ESRRB: variants seen among roughly 807,000 people sequenced by gnomAD.
ESRRB encodes the protein estrogen related receptor beta.
In ESRRB, 16 loss-of-function variants were observed where a neutral mutation model predicts 46.0. The observed-to-expected ratio is 0.35, with a 90% confidence interval of 0.24 to 0.53. The LOEUF is 0.53. Ranked by LOEUF, ESRRB falls within the 20% of genes least tolerant of loss-of-function variation. ESRRB has a pLI of 0.93. For synonymous variants in ESRRB, 246 were observed against 259.6 expected (o/e 0.95, Z 0.50); for missense variants, 488 against 607.4 (o/e 0.80, Z 2.07).
In ESRRB at chr14:76,439,549, G is replaced by A; in HGVS notation, c.259G>A (p.Gly87Arg). 3 of 1,613,928 alleles carry A rather than the reference G, an allele frequency of 1.9e-6. No individual in the cohort carries two copies. The highest frequency in any genetic ancestry group is 1.3e-5 in the African/African-American group (1 of 75,072). Residue 87 changes from glycine (G) to arginine (R), a missense_variant, in exon 2 of 7, where the codon GGG (glycine) becomes AGG (arginine). Transcript: ENST00000644823. ...CTCGCCACCCATGTTTGCAGGCGCC[G>A]GGCTGGGAGGCACCCCATGCCGCAA... ...LDSPPMFAGA[G>R]LGGTPCRKSY...
chr14:76,430,103 G>A (rs556506271), intron 1 of ESRRB, among the ~76,000 whole-genome samples: 3 of 151,874 alleles, frequency 2.0e-5, no homozygotes, highest in Admixed American at 6.6e-5. Flanking sequence ...ACAGTAATTC[G>A]CATCTAGCCA....
At chr14:76,362,756 T>C (rs1295152396) in intron 1 of ESRRB, among the ~76,000 whole-genome samples, 1 of 152,202 alleles carries the variant, frequency 6.6e-6, no homozygotes, top group Non-Finnish European at 1.5e-5. Flanking sequence ...AGATGTTTCC[T>C]GGGCTTCCTG....
intron 1 of ESRRB, among the ~76,000 whole-genome samples, chr14:76,313,270 C>T (rs1289888248): frequency 1.3e-5 from 2 of 151,736 alleles, no homozygotes; most frequent in Non-Finnish European, 2.9e-5. Context: ...TTAGTTTCTG[C>T]TTCAATAACT....
At chr14:76,386,454 ATT>A (rs10573960) in intron 1 of ESRRB, among the ~76,000 whole-genome samples, 31,069 of 112,416 alleles carry the variant, frequency 0.28, 2,863 homozygotes, top group African/African-American at 0.34. Flanking sequence ...CGGTTTTTTA[ATT>A]TTTTTTTTTT....
chr14:76,494,652 A>T (rs1890355919), intron 6 of ESRRB, among the ~76,000 whole-genome samples: 1 of 152,168 alleles, frequency 6.6e-6, no homozygotes, highest in African/African-American at 2.4e-5. Flanking sequence ...GCATAATGAC[A>T]TGTTTCTACA....
At chr14:76,369,661 C>T (rs1468746296), upstream of ESRRB, among the ~76,000 whole-genome samples, 2 of 152,166 alleles carry the variant, frequency 1.3e-5, no homozygotes, top group South Asian at 2.1e-4. Context: ...AAATAAAATG[C>T]ATTTTATTCC....
At chr14:76,323,276 C>T (rs1883889341) in intron 1 of ESRRB, among the ~76,000 whole-genome samples, 1 of 151,444 alleles carries the variant, frequency 6.6e-6, no homozygotes, top group Non-Finnish European at 1.5e-5. Flanking sequence ...CTTAGAGTCC[C>T]CAGTTTTTGG....
rs185775560 is a variant in ESRRB, at chr14:76,382,668, C to G, written c.50+6217C>G. 8.5e-5 allele frequency among the ~76,000 whole-genome samples: 13 copies of G among 152,244 alleles called. No homozygotes were observed. In the East Asian group the frequency reaches 2.5e-3, roughly 29 times the overall value. On this transcript the variant is annotated intron_variant, in intron 1 of 6. Coordinates refer to ENST00000644823, the MANE Select transcript of ESRRB (RefSeq NM_001379180.1). The stretch of plus-strand genomic sequence containing the variant: ...ATGGGATGTTCACTATGGAGTTGGA[C>G]TAGGTGGAAAAAAATTATTGGCCAA...
intron 1 of ESRRB, chr14:76,404,520 A>G (rs1232611395): frequency 3.3e-5 from 5 of 152,498 alleles, no homozygotes; most frequent in Non-Finnish European, 7.4e-5. Flanking sequence ...TCTCTTAGCT[A>G]ATGTCCTAGA....
chr14:76,377,379 T>C (rs1043737447), intron 1 of ESRRB, among the ~76,000 whole-genome samples: 3 of 152,042 alleles, frequency 2.0e-5, no homozygotes, highest in African/African-American at 7.2e-5. Context: ...CCCGACACCC[T>C]CCACGGTCGC....
chr14:76,456,595 G>T (rs1888624929), intron 2 of ESRRB, among the ~76,000 whole-genome samples: 1 of 152,160 alleles, frequency 6.6e-6, no homozygotes. Flanking sequence ...CTGACAGGTT[G>T]CAGGTGGCTA....
At chr14:76,366,940 C>T (rs1595055955), upstream of ESRRB, among the ~76,000 whole-genome samples, 1 of 152,126 alleles carries the variant, frequency 6.6e-6, no homozygotes, top group South Asian at 2.1e-4. Context: ...CTGTGTGCCC[C>T]CTTCCTAACC....
At chr14:76,358,417 A>G (rs1395009206) in intron 1 of ESRRB, among the ~76,000 whole-genome samples, 1 of 146,324 alleles carries the variant, frequency 6.8e-6, no homozygotes, top group African/African-American at 2.5e-5. Context: ...GAAAGAAAAG[A>G]AAAGAAAAAG....
chr14:76,486,787 C>T (rs756469790), intron 5 of ESRRB, among the ~76,000 whole-genome samples: 2 of 152,132 alleles, frequency 1.3e-5, no homozygotes, highest in Non-Finnish European at 2.9e-5. Flanking sequence ...ACAGGGACAC[C>T]CCTGCACTCC....
intron 1 of ESRRB, among the ~76,000 whole-genome samples, chr14:76,343,847 G>A (rs1382990101): frequency 6.6e-6 from 1 of 152,246 alleles, no homozygotes; most frequent in Non-Finnish European, 1.5e-5. Context: ...AGGAGGAGGA[G>A]TAAAGAATTT....
chr14:76,415,149 A>C (rs1361942391), intron 1 of ESRRB, among the ~76,000 whole-genome samples: 4 of 152,038 alleles, frequency 2.6e-5, no homozygotes, highest in African/African-American at 9.7e-5. Context: ...CAAGACGCTA[A>C]CTCCAGCATT....
intron 1 of ESRRB, among the ~76,000 whole-genome samples, chr14:76,392,257 A>G (rs12588035): frequency 0.33 from 49,997 of 152,072 alleles, 8,476 homozygotes; most frequent in African/African-American, 0.38. Flanking sequence ...GTAAGCCAGC[A>G]GCCCTGGCAG....
At chr14:76,320,589 G>A (rs1049252721) in intron 1 of ESRRB, among the ~76,000 whole-genome samples, 3 of 152,168 alleles carry the variant, frequency 2.0e-5, no homozygotes, top group African/African-American at 4.8e-5. Context: ...CACTTGACAC[G>A]CTTTGGATGT....
chr14:76,314,916 C>G (rs1023861554), intron 1 of ESRRB, among the ~76,000 whole-genome samples: 4 of 152,058 alleles, frequency 2.6e-5, no homozygotes, highest in African/African-American at 4.8e-5. Context: ...ATCCCTGATA[C>G]AAGGGGATTC....
Sources: allele counts gnomAD v4.1 joint callset (sites outside exome capture counted in the v4.1 genomes callset), GRCh38; gene constraint gnomAD v4.1.1; transcripts MANE v1.5; gene names NCBI Gene and HGNC (gene_info 2026-07-23, HGNC 2026-07-21).